Variants in KANK1 observed in about 807,000 individuals in gnomAD.
KANK1 encodes the protein KN motif and ankyrin repeat domain-containing protein 1.
In KANK1, 109 loss-of-function variants were observed where a neutral mutation model predicts 106.2. The observed-to-expected ratio is 1.03, with a 90% CI of 0.88 to 1.20. KANK1 has a LOEUF of 1.20. KANK1 is among the 50% of genes most tolerant of loss of function. The pLI is 0.00. For missense variants in KANK1, 2,399 were observed against 1,710.7 expected, an observed-to-expected ratio of 1.40 and a Z score of -7.10; for synonymous variants, 873 against 652.2, an observed-to-expected ratio of 1.34 and a Z score of -5.16.
chr9:538,697 T>G (rs2060433599), intron 1 of KANK1, among the ~76,000 whole-genome samples: 1 of 152,120 alleles, frequency 6.6e-6, no homozygotes, highest in African/African-American at 2.4e-5. Context: ...GGAGTCAGAG[T>G]TGGGGTGGAA....
At chr9:540,117 T>G (rs547550213) in intron 1 of KANK1, among the ~76,000 whole-genome samples, 16 of 152,334 alleles carry the variant, frequency 1.1e-4, no homozygotes, top group African/African-American at 3.8e-4. Context: ...GCTCCTGATC[T>G]TAGAGGAAAG....
chr9:534,440 A>G (rs1016143809), intron 1 of KANK1, among the ~76,000 whole-genome samples: 1 of 152,208 alleles, frequency 6.6e-6, no homozygotes, highest in African/African-American at 2.4e-5. Flanking sequence ...TTTCAGCAGG[A>G]CCTAAGGAGA....
chr9:619,884 C>T (rs1412788332), intron 1 of KANK1, among the ~76,000 whole-genome samples: 1 of 151,994 alleles, frequency 6.6e-6, no homozygotes, highest in Non-Finnish European at 1.5e-5. Context: ...CGCTTGTAAT[C>T]CCAGCATTTT....
rs147890345 is a variant in KANK1 at position 711,897 on chromosome 9, G to A, written c.1131G>A (p.Leu377=). Residue 377 remains leucine (L), a synonymous_variant, in exon 3 of 12, where the codon CTG becomes CTA. Transcript: ENST00000382297. The stretch of plus-strand genomic sequence containing the variant: ...AACTTACAGCAGACATGCAAGCCCT[G>A]GAGCAGAAGATCCAGGACAGCAGCT... ...FRQLTADMQA[L]EQKIQDSSCE... 1.9e-6 allele frequency: 3 copies of A among 1,614,070 alleles called. No homozygotes were observed. In the African/African-American group the frequency reaches 4.0e-5, roughly 22 times the overall value.
intron 1 of KANK1, among the ~76,000 whole-genome samples, chr9:555,103 G>C (rs996205857): frequency 3.3e-5 from 5 of 152,220 alleles, no homozygotes; most frequent in African/African-American, 7.2e-5. Context: ...ACCACACTTT[G>C]AGAACAACTA....
At chr9:619,439 G>A (rs1050868146) in intron 1 of KANK1, among the ~76,000 whole-genome samples, 3 of 152,156 alleles carry the variant, frequency 2.0e-5, no homozygotes, top group African/African-American at 4.8e-5. Flanking sequence ...TTTGCCTATC[G>A]TCAGATTTGG....
chr9:632,405 G>T (rs897282476), intron 1 of KANK1, among the ~76,000 whole-genome samples: 1 of 152,168 alleles, frequency 6.6e-6, no homozygotes, highest in Admixed American at 6.5e-5. Context: ...ATCTTAAAAT[G>T]AAAGTTGAAT....
chr9:559,313 G>A (rs1201283775), intron 1 of KANK1, among the ~76,000 whole-genome samples: 3 of 151,960 alleles, frequency 2.0e-5, no homozygotes, highest in East Asian at 1.9e-4. Context: ...GGTTTTAATT[G>A]TACAGTCAAC....
chr9:558,088 A>G (rs1193107527), intron 1 of KANK1, among the ~76,000 whole-genome samples: 1 of 152,174 alleles, frequency 6.6e-6, no homozygotes, highest in Non-Finnish European at 1.5e-5. Flanking sequence ...AGATGCTGTG[A>G]GAGGAGGTGG....
At chr9:512,809 T>C (rs1326658343) in intron 1 of KANK1, among the ~76,000 whole-genome samples, 1 of 152,210 alleles carries the variant, frequency 6.6e-6, no homozygotes, top group East Asian at 1.9e-4. Context: ...AACTTCCTGC[T>C]AAGGAAGAAG....
At chr9:727,261 A>G (rs1171065133) in intron 3 of KANK1, among the ~76,000 whole-genome samples, 1 of 152,214 alleles carries the variant, frequency 6.6e-6, no homozygotes, top group African/African-American at 2.4e-5. Context: ...TTCATTTTTA[A>G]AAGTGATTTT....
At chr9:739,248 T>G (rs1834673060) in intron 8 of KANK1, among the ~76,000 whole-genome samples, 1 of 152,152 alleles carries the variant, frequency 6.6e-6, no homozygotes, top group Non-Finnish European at 1.5e-5. Context: ...GTCTTTTAAT[T>G]TTTGTAATAC....
intron 1 of KANK1, among the ~76,000 whole-genome samples, chr9:671,584 C>T (rs1845916999): frequency 8.1e-6 from 1 of 124,004 alleles, no homozygotes; most frequent in Non-Finnish European, 1.6e-5. Context: ...CCACTGTGCT[C>T]CAGCCTGGGT....
At chr9:509,013 G>A (rs1424497247) in intron 1 of KANK1, among the ~76,000 whole-genome samples, 1 of 152,208 alleles carries the variant, frequency 6.6e-6, no homozygotes, top group Non-Finnish European at 1.5e-5. Flanking sequence ...ACTTCTACCC[G>A]TAGTGTGAGA....
chr9:614,432 C>G (rs975068702), intron 1 of KANK1, among the ~76,000 whole-genome samples: 1 of 152,112 alleles, frequency 6.6e-6, no homozygotes, highest in African/African-American at 2.4e-5. Context: ...ATCATACTGG[C>G]ATAAAGTTAA....
intron 3 of KANK1, among the ~76,000 whole-genome samples, chr9:717,014 G>C (rs142096544): frequency 1.2e-4 from 18 of 151,488 alleles, no homozygotes; most frequent in African/African-American, 4.4e-4. Flanking sequence ...GATTGTGCAC[G>C]GTGGCTCACA....
intron 2 of KANK1, among the ~76,000 whole-genome samples, chr9:700,660 C>A (rs188708380): frequency 6.6e-6 from 1 of 152,166 alleles, no homozygotes; most frequent in South Asian, 2.1e-4. Context: ...AGGACTGACT[C>A]AGCTCTTCAA....
intron 1 of KANK1, among the ~76,000 whole-genome samples, chr9:514,520 A>G (rs534794675): frequency 2.2e-3 from 326 of 150,852 alleles, no homozygotes; most frequent in Non-Finnish European, 3.5e-3. Flanking sequence ...TCATAGATCA[A>G]TTTAGTCAGT....
rs530445262 is a variant in KANK1 at position 470,731 on chromosome 9, C to G, written c.-442+49C>G. The G allele has an allele frequency of 4.2e-3, 646 of 152,428 alleles. 2 individuals are homozygous for G. The highest frequency in any genetic ancestry group is 0.017 in the Middle Eastern group (5 of 294). The allele number at this position is 152,428 out of a possible 1,614,324, so 9.4% of individuals were successfully genotyped here. A position where few individuals can be genotyped will look rare whatever the true frequency, so the allele number is the denominator to read the frequency against. On this transcript the variant is annotated intron_variant, in intron 2 of 15. Coordinates refer to the KANK1 transcript ENST00000382303. ...ATTACACCTGTGCTCCACCGTGGCC[C>G]CCAGCCAAGTTTAATCTCCCATTCA...
Sources: gnomAD v4.1 joint callset for allele counts (sites outside exome capture counted in the v4.1 genomes callset) on GRCh38, gnomAD v4.1.1 for gene constraint, MANE v1.5 for transcripts, NCBI Gene and HGNC (gene_info 2026-07-23, HGNC 2026-07-21) for gene names.